The following BTBD8 variants were observed in gnomAD, a reference collection of about 807,000 sequenced individuals.
The protein encoded by BTBD8 is BTB domain containing 8, also known as BTB/POZ domain-containing protein 8.
In BTBD8, 110 loss-of-function variants were observed where a neutral mutation model predicts 162.9. The observed-to-expected ratio is 0.68, with a 90% confidence interval of 0.58 to 0.79. The LOEUF is 0.79. BTBD8 is among the 30% of genes least tolerant of loss of function. The pLI is 0.00. For synonymous variants in BTBD8, 667 were observed against 716.1 expected (o/e 0.93, Z 1.10); for missense variants, 1,905 against 2,085.4 (o/e 0.91, Z 1.68).
intron 4 of BTBD8, among the ~76,000 whole-genome samples, chr1:92,113,149 G>T (rs752064461): frequency 4.6e-5 from 7 of 152,180 alleles, no homozygotes; most frequent in Non-Finnish European, 1.0e-4. Flanking sequence ...ATTTGGCAAA[G>T]ATTTTTAATA....
chr1:92,092,802 T>C (rs1648348876), intron 2 of BTBD8, among the ~76,000 whole-genome samples: 1 of 152,248 alleles, frequency 6.6e-6, no homozygotes, highest in Non-Finnish European at 1.5e-5. Flanking sequence ...ACTTCTGGGA[T>C]ATCTGTCCTT....
At chr1:92,156,708 T>G (rs970110391) in intron 9 of BTBD8, among the ~76,000 whole-genome samples, 6 of 152,182 alleles carry the variant, frequency 3.9e-5, no homozygotes, top group Non-Finnish European at 5.9e-5. Context: ...TCTTCTAGTT[T>G]ACCTTGTTTA....
intron 2 of BTBD8, among the ~76,000 whole-genome samples, chr1:92,098,932 T>A (rs1350867566): frequency 6.6e-6 from 1 of 152,210 alleles, no homozygotes; most frequent in African/African-American, 2.4e-5. Flanking sequence ...CCACTTTATC[T>A]TTTCTTTTGT....
intron 13 of BTBD8, among the ~76,000 whole-genome samples, chr1:92,173,274 C>G (rs950551424): frequency 1.3e-5 from 2 of 152,172 alleles, no homozygotes; most frequent in Non-Finnish European, 1.5e-5. Flanking sequence ...CTTGAAAGTG[C>G]TGAGAAACAC....
rs1570707872 is a variant in BTBD8, at chr1:92,080,597, C to T, written c.26C>T (p.Ala9Val). Residue 9 changes from alanine (A) to valine (V), a missense_variant, in exon 1 of 18, where the codon GCG becomes GTG. Transcript: ENST00000636805. ...ATGGCTCGCTGTGGGGAAGGCAGTGCGGCCCCCATGGTACTTCTGGGGTCC... is the reference window on the plus strand; with the variant it reads ...ATGGCTCGCTGTGGGGAAGGCAGTGTGGCCCCCATGGTACTTCTGGGGTCC... MARCGEGSAAPMVLLGSAG... is the reference protein window; with the variant it reads MARCGEGSVAPMVLLGSAG... 2 of 1,613,896 alleles carry T rather than the reference C, an allele frequency of 1.2e-6. No homozygotes were observed. Among genetic ancestry groups the T allele is most frequent in the Non-Finnish European group, 1.7e-6 (2 of 1,179,872 alleles).
At chr1:92,122,245 A>G (rs535115695) in intron 4 of BTBD8, among the ~76,000 whole-genome samples, 1 of 144,582 alleles carries the variant, frequency 6.9e-6, no homozygotes, top group South Asian at 2.2e-4. Flanking sequence ...TGTTTCCAGT[A>G]TTTAGCTATT....
At chr1:92,127,363 C>G (rs1320902616) in intron 4 of BTBD8, among the ~76,000 whole-genome samples, 1 of 152,104 alleles carries the variant, frequency 6.6e-6, no homozygotes, top group East Asian at 1.9e-4. Flanking sequence ...TCAGTTGACT[C>G]TAGTATGATC....
At chr1:92,134,197 A>G (rs562119) in intron 5 of BTBD8, among the ~76,000 whole-genome samples, 4,788 of 152,206 alleles carry the variant, frequency 0.031, 89 homozygotes, top group African/African-American at 0.039. Flanking sequence ...TTGGAGCATA[A>G]ATTTGGATTT....
chr1:92,178,226 A>G, intron 15 of BTBD8, 86 bp from the exon 16 acceptor site: 1 of 1,052,960 alleles, frequency 9.5e-7, no homozygotes, highest in Non-Finnish European at 1.4e-6. Context: ...TTATTTCTTG[A>G]AAAAAACTGT....
At chr1:92,155,183 G>A (rs561076281) in intron 9 of BTBD8, among the ~76,000 whole-genome samples, 1 of 152,248 alleles carries the variant, frequency 6.6e-6, no homozygotes, top group East Asian at 1.9e-4. Context: ...TTTGAAATCA[G>A]AAAATCAAAG....
In BTBD8 at chr1:92,130,957, G is replaced by A. The variant is rs369354264; in HGVS notation, c.752+1181G>A. 8.0e-4 allele frequency among the ~76,000 whole-genome samples: 122 copies of A among 152,294 alleles called. 1 individual carries two copies. In the South Asian group the frequency reaches 0.014, roughly 18 times the overall value. On this transcript the variant is annotated intron_variant, in intron 5 of 17. Coordinates refer to ENST00000636805, the MANE Select transcript of BTBD8 (RefSeq NM_001376131.1). ...ACCTCAAGTAATTCACCTTGCCTTG[G>A]CATCCCAAAGTGTTGGGATTACAGG...
At chr1:92,112,112 A>T (rs962394517) in intron 4 of BTBD8, among the ~76,000 whole-genome samples, 6 of 152,320 alleles carry the variant, frequency 3.9e-5, no homozygotes, top group East Asian at 3.9e-4. Flanking sequence ...AAAGGCACTT[A>T]AAAAATTGCT....
intron 9 of BTBD8, among the ~76,000 whole-genome samples, chr1:92,164,865 G>GA (rs1341393044): frequency 1.3e-5 from 2 of 151,850 alleles, no homozygotes; most frequent in Middle Eastern, 3.4e-3. Flanking sequence ...TGTTGACCAG[G>GA]ATGGTCTCAA....
intron 9 of BTBD8, among the ~76,000 whole-genome samples, chr1:92,163,799 A>G (rs750939162): frequency 2.6e-5 from 4 of 152,160 alleles, no homozygotes; most frequent in Admixed American, 6.5e-5. Flanking sequence ...TGTTTATCAT[A>G]TATTCAGATG....
At chr1:92,171,307 T>C in intron 12 of BTBD8, 92 bp from the exon 13 acceptor site, 3 of 910,896 alleles carry the variant, frequency 3.3e-6, no homozygotes, top group Non-Finnish European at 5.0e-6. Flanking sequence ...CATCAAAATA[T>C]AACCTTTTTT....
At chr1:92,140,917 T>C (rs181171272) in intron 6 of BTBD8, among the ~76,000 whole-genome samples, 198 bp from the exon 7 acceptor site, 8 of 152,392 alleles carry the variant, frequency 5.2e-5, no homozygotes, top group Admixed American at 2.6e-4. Flanking sequence ...TCAAATCATG[T>C]GTCAGTGCTT....
Position 92,135,592 on chromosome 1 carries a change from A to G in BTBD8, c.753-3758A>G, listed in dbSNP as rs149942608. On this transcript the variant is annotated intron_variant, in intron 5 of 17. Transcript: ENST00000636805. ...AAACTATGGGCTATTGGAACAATTT[A>G]TTGCTTTTCTAGGTCAGTTGATCAT... is the stretch of plus-strand genomic sequence containing the variant. 1.8e-3 allele frequency among the ~76,000 whole-genome samples: 267 copies of G among 152,292 alleles called. 3 individuals are homozygous for G. Among genetic ancestry groups the G allele is most frequent in the African/African-American group, 5.9e-3 (244 of 41,578 alleles).
At chr1:92,140,819 A>G (rs1319398330) in intron 6 of BTBD8, among the ~76,000 whole-genome samples, 1 of 152,214 alleles carries the variant, frequency 6.6e-6, no homozygotes, top group Non-Finnish European at 1.5e-5. Context: ...CAGCCTTTAA[A>G]GCAATTTCTT....
chr1:92,091,374 A>G (rs1393077784), intron 2 of BTBD8, among the ~76,000 whole-genome samples: 1 of 152,192 alleles, frequency 6.6e-6, no homozygotes, highest in Admixed American at 6.5e-5. Flanking sequence ...CTGGGAGTCA[A>G]TTAAACCTCT....
Sources: gnomAD v4.1 joint callset for allele counts (sites outside exome capture counted in the v4.1 genomes callset) on GRCh38, gnomAD v4.1.1 for gene constraint, MANE v1.5 for transcripts, NCBI Gene and HGNC (gene_info 2026-07-23, HGNC 2026-07-21) for gene names.